The following HOPX variants were observed in gnomAD, a reference collection of about 807,000 sequenced individuals.
HOPX encodes the protein homeodomain-only protein.
HOPX carries 5 observed loss-of-function variants against 11.8 expected under a neutral mutation model. The ratio of observed to expected loss-of-function variants is 0.43; its 90% confidence interval spans 0.22 to 0.89. The LOEUF (loss-of-function observed/expected upper bound fraction) is 0.89. Ranked by LOEUF, HOPX falls within the 40% of genes least tolerant of loss-of-function variation. The pLI is 0.28. For missense variants in HOPX, 119 were observed against 120.0 expected (o/e 0.99, Z 0.04); for synonymous variants, 49 against 49.7 (o/e 0.99, Z 0.06).
chr4:56,663,092 T>C (rs1321075167), intron 1 of HOPX: 1 of 152,174 alleles, frequency 6.6e-6, no homozygotes, highest in Non-Finnish European at 1.5e-5. Context: ...CTGATTCCAT[T>C]TTTCACAAGA....
At chr4:56,651,753 G>A (rs1166806055) in intron 3 of HOPX, among the ~76,000 whole-genome samples, 3 of 151,956 alleles carry the variant, frequency 2.0e-5, no homozygotes, top group African/African-American at 7.3e-5. Flanking sequence ...CTGGGTTCTG[G>A]GAACAAGCTC....
At chr4:56,663,688 T>G (rs73163013) in intron 1 of HOPX, 16,197 of 152,270 alleles carry the variant, frequency 0.11, 984 homozygotes, top group East Asian at 0.18. Context: ...GGTTTCACTA[T>G]GTTGGCCAGG....
At chr4:56,681,587 G>A, upstream of HOPX, 1 of 1,000,198 alleles carries the variant, frequency 1.0e-6, no homozygotes, top group Non-Finnish European at 1.2e-6. Flanking sequence ...TAGGATAAGA[G>A]AGATGTGGCT....
intron 1 of HOPX, among the ~76,000 whole-genome samples, chr4:56,669,690 TAA>T (rs1560372632): frequency 4.0e-4 from 41 of 101,846 alleles, no homozygotes; most frequent in African/African-American, 1.3e-3. Context: ...ATAATAATAA[TAA>T]TAATAATAAT....
chr4:56,670,557 C>T (rs1243332006), intron 1 of HOPX, among the ~76,000 whole-genome samples: 2 of 152,080 alleles, frequency 1.3e-5, no homozygotes, highest in Non-Finnish European at 2.9e-5. Flanking sequence ...TTTTTGATTG[C>T]CCATTTAACT....
At chr4:56,655,826 C>G (rs907605184) in intron 3 of HOPX, 31 bp downstream of exon 3, 4 of 1,601,704 alleles carry the variant, frequency 2.5e-6, no homozygotes, top group African/African-American at 2.7e-5. Flanking sequence ...AGGCAGGGGT[C>G]GGGGCGCGCT....
At chr4:56,681,014 C>T (rs1719296787) in intron 1 of HOPX, 4 of 985,238 alleles carry the variant, frequency 4.1e-6, no homozygotes, top group South Asian at 4.7e-5. Flanking sequence ...AAGACCAACA[C>T]CAACTCCCCT....
At chr4:56,650,747 G>T in intron 3 of HOPX, 12 of 1,551,404 alleles carry the variant, frequency 7.7e-6, no homozygotes, top group Non-Finnish European at 1.0e-5. Context: ...TATCATGGGG[G>T]TAGCCTTCTC....
chr4:56,670,553 A>G (rs189513874), intron 1 of HOPX, among the ~76,000 whole-genome samples: 2 of 152,320 alleles, frequency 1.3e-5, no homozygotes, highest in East Asian at 3.9e-4. Context: ...TTAATTTTTG[A>G]TTGCCCATTT....
At chr4:56,657,665 C>T (rs2109490662) in intron 2 of HOPX, 110 bp downstream of exon 2, 1 of 714,752 alleles carries the variant, frequency 1.4e-6, no homozygotes, top group Non-Finnish European at 2.6e-6. Context: ...TGTCACGGTG[C>T]TAGGCAGGAG....
At chr4:56,676,287 C>A (rs1181154190) in intron 1 of HOPX, among the ~76,000 whole-genome samples, 1 of 151,408 alleles carries the variant, frequency 6.6e-6, no homozygotes, top group Non-Finnish European at 1.5e-5. Flanking sequence ...GACAGTGAGA[C>A]TCTGTCTCAA....
In HOPX at chr4:56,678,375, A is replaced by T. The variant is rs945798715; in HGVS notation, c.-84+2880T>A. 4.0e-5 allele frequency among the ~76,000 whole-genome samples: 6 copies of T among 150,922 alleles called. No homozygotes were observed. In the East Asian group the frequency reaches 1.2e-3, roughly 29 times the overall value. On this transcript the variant is annotated intron_variant, in intron 1 of 3. Transcript: ENST00000420433. ...ACTCACCTGGGGAACTTTAAAAACC[A>T]ATCCCAGGGCTGCACACCTGGGGAT...
In HOPX at chr4:56,657,793, G is replaced by A; in HGVS notation, c.24C>T (p.Tyr8=). Residue 8 remains tyrosine (Y), a synonymous_variant, in exon 2 of 4, where the codon TAC becomes TAT. Coordinates refer to ENST00000420433, the MANE Select transcript of HOPX (RefSeq NM_032495.6). ...AAATTACCTCTTCCAGTCTTCTTCT[G>A]TAACAGCCCAGGAAAATGAGCATAG... The part of the protein sequence containing the change: MLIFLGC[Y]RRRLEERAGT... 1 of 1,356,184 alleles carries A rather than the reference G, an allele frequency of 7.4e-7. No homozygotes were observed. Among genetic ancestry groups the A allele is most frequent in the Non-Finnish European group, 1.0e-6 (1 of 968,468 alleles). The allele number at this position is 1,356,184 out of a possible 1,614,324, so 84.0% of individuals were successfully genotyped here.
rs561775114 is a variant in HOPX at position 56,681,106 on chromosome 4, G to C, written c.-84+149C>G. 2.8e-5 allele frequency: 27 copies of C among 980,768 alleles called. No homozygotes were observed. In the African/African-American group the frequency reaches 4.2e-4, roughly 15 times the overall value. 60.8% of individuals were successfully genotyped at this position (980,768 alleles called of 1,614,324 possible). ...CACCCAGCAGCATTTCCTAGCTTCT[G>C]CTTGGGGGTAAGCTTGTCATTCCTA... On this transcript the variant is annotated intron_variant, in intron 1 of 3. Transcript: ENST00000420433.
intron 1 of HOPX, chr4:56,659,437 C>G (rs1717972684): frequency 6.6e-6 from 1 of 152,122 alleles, no homozygotes; most frequent in African/African-American, 2.4e-5. Flanking sequence ...TTCAGTTACT[C>G]TGAAGGTGGT....
intron 1 of HOPX, chr4:56,662,398 G>C (rs1718185652): frequency 6.6e-6 from 1 of 152,022 alleles, no homozygotes; most frequent in Non-Finnish European, 1.5e-5. Flanking sequence ...TCTGGCTATA[G>C]CAGTAAAGGC....
intron 3 of HOPX, among the ~76,000 whole-genome samples, chr4:56,654,323 A>T (rs4604109): frequency 0.2 from 30,594 of 152,196 alleles, 3,792 homozygotes; most frequent in Middle Eastern, 0.3. Context: ...TTTATAGGTA[A>T]GATGACTGAT....
intron 1 of HOPX, among the ~76,000 whole-genome samples, chr4:56,675,656 G>A (rs563512003): frequency 3.3e-5 from 5 of 151,876 alleles, no homozygotes; most frequent in African/African-American, 1.2e-4. Context: ...GTATTGCACT[G>A]TGTGTTCAAA....
In HOPX at chr4:56,655,870, T is replaced by C. The variant is rs1450804833; in HGVS notation, c.185A>G (p.Glu62Gly). 9.9e-6 allele frequency: 16 copies of C among 1,611,216 alleles called. No individual in the cohort carries two copies. Among genetic ancestry groups the C allele is most frequent in the African/African-American group, 1.3e-5 (1 of 74,706 alleles). Residue 62 changes from glutamate to glycine, a missense_variant, in exon 3 of 4, where the codon GAG becomes GGG. Coordinates refer to ENST00000420433, the MANE Select transcript of HOPX (RefSeq NM_032495.6). ...GTGGGGACGCACCTGGGTCTCCTCC[T>C]CGGAAAGGCCTGCCTCGGCCGCGAT... Reference protein sequence around the residue: ...CLIAAEAGLSEEETQKWFKQR... With the variant: ...CLIAAEAGLSGEETQKWFKQR...
Sources: gnomAD v4.1 joint callset for allele counts (sites outside exome capture counted in the v4.1 genomes callset) on GRCh38, gnomAD v4.1.1 for gene constraint, MANE v1.5 for transcripts, NCBI Gene and HGNC (gene_info 2026-07-23, HGNC 2026-07-21) for gene names.